The following ESRRG variants were observed in gnomAD, a reference collection of about 807,000 sequenced individuals.
ESRRG encodes the protein estrogen related receptor gamma.
ESRRG carries 13 observed loss-of-function variants against 44.0 expected under a neutral mutation model. The observed-to-expected ratio is 0.30, with a 90% CI of 0.19 to 0.47. ESRRG has a LOEUF of 0.47. Among genes scored for constraint, ESRRG ranks in the 20% least tolerant of loss-of-function variants. The probability of loss-of-function intolerance (pLI) is 1.00; values close to 1 mark genes in which losing one functional copy is unlikely to be tolerated. For synonymous variants in ESRRG, 215 were observed against 214.6 expected, an observed-to-expected ratio of 1.00 and a Z score of -0.02; for missense variants, 395 against 580.6, an observed-to-expected ratio of 0.68 and a Z score of 3.29.
At chr1:217,024,449 G>T (rs190056096) in intron 1 of ESRRG, among the ~76,000 whole-genome samples, 211 of 151,710 alleles carry the variant, frequency 1.4e-3, no homozygotes, top group Non-Finnish European at 2.6e-3. Flanking sequence ...CACCAGAGAA[G>T]TTAGTGCCAA....
intron 6 of ESRRG, among the ~76,000 whole-genome samples, chr1:216,517,075 T>C (rs144774385): frequency 2.7e-3 from 406 of 152,238 alleles, no homozygotes; most frequent in Non-Finnish European, 5.4e-3. Flanking sequence ...TTTCTCCGTA[T>C]TGAGGGGCTA....
At chr1:217,020,653 A>G (rs2080150343) in intron 1 of ESRRG, among the ~76,000 whole-genome samples, 1 of 152,188 alleles carries the variant, frequency 6.6e-6, no homozygotes, top group Non-Finnish European at 1.5e-5. Flanking sequence ...GAAGAACAAG[A>G]AGTGAAATGG....
chr1:216,722,435 A>G (rs2086551710), intron 1 of ESRRG, among the ~76,000 whole-genome samples: 1 of 131,294 alleles, frequency 7.6e-6, no homozygotes, highest in Non-Finnish European at 1.6e-5. Context: ...TAATCTAAAT[A>G]TATATTTCCA....
Position 216,779,454 on chromosome 1 carries a change from A to ATATAAATATAAATAAATATT in ESRRG, c.-13-101964_-13-101963insAATATTTATTTATATTTATA, listed in dbSNP as rs1559606690. 4.8e-4 allele frequency among the ~76,000 whole-genome samples: 16 copies of ATATAAATATAAATAAATATT among 33,306 alleles called. 4 individuals carry two copies. Among genetic ancestry groups the ATATAAATATAAATAAATATT allele is most frequent in the African/African-American group, 1.7e-3 (16 of 9,540 alleles). 21.9% of individuals were successfully genotyped at this position (33,306 alleles called of 152,430 possible). A position where few individuals can be genotyped will look rare whatever the true frequency, so the allele number is the denominator to read the frequency against. On this transcript the variant is annotated intron_variant, in intron 2 of 7. Coordinates refer to the ESRRG transcript ENST00000359162. ...TATTTATAAAAATAAATATTTATAA[A>ATATAAATATAAATAAATATT]TATAAATATAAATATATATTTATAA...
Position 217,087,168 on chromosome 1 carries a change from G to A in ESRRG, c.-106+2339C>T, listed in dbSNP as rs552947878. ...AGCCCATTACCTCTGGCGGGCTTTC[G>A]CTAAAATTCTAGCTGCAACTGAAAT... On this transcript the variant is annotated intron_variant, in intron 1 of 7. Coordinates refer to the ESRRG transcript ENST00000359162. Among the ~76,000 whole-genome samples the A allele has an allele frequency of 6.6e-5, 10 of 152,214 alleles. 1 individual carries two copies. In the South Asian group the frequency reaches 1.7e-3, roughly 25 times the overall value.
At chr1:216,946,459 C>T (rs1331147719) in intron 1 of ESRRG, among the ~76,000 whole-genome samples, 1 of 152,196 alleles carries the variant, frequency 6.6e-6, no homozygotes, top group Admixed American at 6.5e-5. Context: ...CACCATGATT[C>T]AGGAACACCA....
chr1:216,833,651 G>A (rs1232872031), intron 2 of ESRRG, among the ~76,000 whole-genome samples: 8 of 152,112 alleles, frequency 5.3e-5, no homozygotes, highest in South Asian at 2.1e-4. Context: ...CTAAATTTAG[G>A]GGAGAGAAAG....
At chr1:217,006,836 A>G (rs768254386) in intron 1 of ESRRG, among the ~76,000 whole-genome samples, 2 of 151,930 alleles carry the variant, frequency 1.3e-5, no homozygotes, top group African/African-American at 4.8e-5. Context: ...CAGATTTTGG[A>G]GCATTTTGGA....
At chr1:216,695,131 T>G (rs2079873930) in intron 1 of ESRRG, among the ~76,000 whole-genome samples, 1 of 152,126 alleles carries the variant, frequency 6.6e-6, no homozygotes, top group Non-Finnish European at 1.5e-5. Flanking sequence ...GTTTTTGCAC[T>G]CCTAGTATTC....
chr1:217,122,711 C>T (rs2092836834), intron 1 of ESRRG, among the ~76,000 whole-genome samples: 1 of 138,834 alleles, frequency 7.2e-6, no homozygotes, highest in Non-Finnish European at 1.5e-5. Flanking sequence ...ACTTTTGTTG[C>T]CCAGGCTGGA....
chr1:216,890,173 G>A (rs1227590694), intron 2 of ESRRG, among the ~76,000 whole-genome samples: 1 of 152,136 alleles, frequency 6.6e-6, no homozygotes, highest in Non-Finnish European at 1.5e-5. Flanking sequence ...GCTGGAGTGG[G>A]AGGATCACTT....
Position 217,136,433 on chromosome 1 carries a change from C to G in ESRRG, c.-230+1234G>C, listed in dbSNP as rs143080496. Among the ~76,000 whole-genome samples, 365 of 152,318 alleles carry G rather than the reference C, an allele frequency of 2.4e-3. 1 individual carries two copies. Among genetic ancestry groups the G allele is most frequent in the African/African-American group, 8.3e-3 (345 of 41,576 alleles). ...ACTTTACTTCAACCCTAGGCTCTGG[C>G]CTACCGGGAGGGCAAACGCGGGCAC... is the stretch of plus-strand genomic sequence containing the variant. On this transcript the variant is annotated intron_variant, in intron 1 of 8. Coordinates refer to the ESRRG transcript ENST00000366940.
At chr1:216,723,199 GCACCCCCA>G in intron 1 of ESRRG, 37 bp downstream of exon 1, 1 of 659,802 alleles carries the variant, frequency 1.5e-6, no homozygotes, top group Non-Finnish European at 2.5e-6. Context: ...CCCCACCCCC[GCACCCCCA>G]CGACGAGTTT....
chr1:216,989,073 T>A (rs1034646709), intron 1 of ESRRG, among the ~76,000 whole-genome samples: 2 of 152,160 alleles, frequency 1.3e-5, no homozygotes, highest in Admixed American at 6.5e-5. Context: ...GCCTATTGTT[T>A]GTATCTAATG....
intron 1 of ESRRG, among the ~76,000 whole-genome samples, chr1:217,025,574 G>A (rs1019383411): frequency 1.3e-5 from 2 of 152,162 alleles, no homozygotes; most frequent in African/African-American, 2.4e-5. Context: ...AGTCATTTTA[G>A]CATGCTAATG....
chr1:217,087,500 C>G (rs1396251964), intron 1 of ESRRG, among the ~76,000 whole-genome samples: 1 of 152,152 alleles, frequency 6.6e-6, no homozygotes, highest in South Asian at 2.1e-4. Flanking sequence ...GAAACCTAAT[C>G]GATTGATCTG....
intron 2 of ESRRG, among the ~76,000 whole-genome samples, chr1:216,791,613 C>T (rs2094323014): frequency 6.6e-6 from 1 of 152,080 alleles, no homozygotes; most frequent in African/African-American, 2.4e-5. Context: ...ATAGACCCTC[C>T]CACACTCACA....
intron 2 of ESRRG, among the ~76,000 whole-genome samples, chr1:216,735,993 T>A (rs370366621): frequency 0.066 from 6,282 of 95,740 alleles, 199 homozygotes; most frequent in Middle Eastern, 0.097. Context: ...AAAAAATATA[T>A]ATATATATAT....
chr1:216,815,169 T>C (rs2095094728), intron 2 of ESRRG, among the ~76,000 whole-genome samples: 1 of 152,206 alleles, frequency 6.6e-6, no homozygotes, highest in Non-Finnish European at 1.5e-5. Context: ...TCTCCATATA[T>C]AAAACCAAAA....
Sources: gnomAD v4.1 joint callset for allele counts (sites outside exome capture counted in the v4.1 genomes callset) on GRCh38, gnomAD v4.1.1 for gene constraint, MANE v1.5 for transcripts, NCBI Gene and HGNC (gene_info 2026-07-23, HGNC 2026-07-21) for gene names.